STK32B: variants seen among roughly 807,000 people sequenced by gnomAD.
STK32B encodes the protein serine/threonine-protein kinase 32B.
Under a neutral mutation model 52.6 loss-of-function variants are expected in STK32B, and 43 were observed. The observed-to-expected ratio is 0.82, with a 90% CI of 0.64 to 1.05. The LOEUF (loss-of-function observed/expected upper bound fraction) is 1.05. Among genes scored for constraint, STK32B ranks in the 50% least tolerant of loss-of-function variants. The pLI, the probability that STK32B is intolerant of heterozygous loss-of-function variation, is 0.00. For synonymous variants in STK32B, 238 were observed against 204.3 expected (o/e 1.17, Z -1.41); for missense variants, 621 against 534.6 (o/e 1.16, Z -1.59).
In STK32B at chr4:5,453,186, C is replaced by T. The variant is rs926205960; in HGVS notation, c.667-3621C>T. Among the ~76,000 whole-genome samples the T allele has an allele frequency of 7.3e-5, 11 of 151,190 alleles. No individual in the cohort carries two copies. Among genetic ancestry groups the T allele is most frequent in the East Asian group, 1.9e-4 (1 of 5,144 alleles). ...ATCATCATTGTTTTTGTAATTGGTC[C>T]GGTTGCCTCCAGAAGGAGAGAGAAT... is the stretch of plus-strand genomic sequence containing the variant. On this transcript the variant is annotated intron_variant, in intron 7 of 11. Coordinates refer to ENST00000282908, the MANE Select transcript of STK32B (RefSeq NM_018401.3). This position sits in a 1 kb window ranked among gnomAD's most constrained non-coding sequence, Gnocchi z 4.0.
At position 5,186,186 on chromosome 4, in the gene STK32B, T is replaced by A. The variant is rs114873233; in HGVS notation, c.260+17736T>A. On this transcript the variant is annotated intron_variant, in intron 3 of 11. Coordinates refer to ENST00000282908, the MANE Select transcript of STK32B (RefSeq NM_018401.3). ...TGGAGTTCATAGTCCAGGCCTCACC[T>A]CCTCCATCAGCCCTCCTCGGGACAC... is the stretch of plus-strand genomic sequence containing the variant. Among the ~76,000 whole-genome samples, 788 of 152,204 alleles carry A rather than the reference T, an allele frequency of 5.2e-3. 8 individuals are homozygous for A. Among genetic ancestry groups the A allele is most frequent in the Non-Finnish European group, 5.8e-3 (397 of 68,016 alleles).
chr4:5,072,320 C>A (rs958115379), intron 1 of STK32B, among the ~76,000 whole-genome samples: 1 of 152,132 alleles, frequency 6.6e-6, no homozygotes, highest in Admixed American at 6.6e-5. Flanking sequence ...CCTCCAATTG[C>A]ACTCCTGCTT....
At position 5,109,980 on chromosome 4, in the gene STK32B, A is replaced by C. The variant is rs533661054; in HGVS notation, c.53-29925A>C. Among the ~76,000 whole-genome samples the C allele has an allele frequency of 1.1e-4, 16 of 151,700 alleles. No homozygotes were observed. The South Asian group carries it at 3.2e-3, about 30-fold the overall frequency. On this transcript the variant is annotated intron_variant, in intron 1 of 11. Coordinates refer to ENST00000282908, the MANE Select transcript of STK32B (RefSeq NM_018401.3). ...CCATTTCTGTATATCAATAACATTC[A>C]TACCGAGAACCAATCCCGTTTACAA...
At chr4:5,314,691 T>C (rs1361147626) in intron 3 of STK32B, among the ~76,000 whole-genome samples, 1 of 152,002 alleles carries the variant, frequency 6.6e-6, no homozygotes, top group Non-Finnish European at 1.5e-5. Flanking sequence ...TCAAAATGGA[T>C]CATGGATTGG....
rs1204184197 is a variant in STK32B at position 5,470,358 on chromosome 4, C to T, written c.1106+2288C>T. On this transcript the variant is annotated intron_variant, in intron 11 of 11. Coordinates refer to ENST00000282908, the MANE Select transcript of STK32B (RefSeq NM_018401.3). This position sits in a 1 kb window ranked among gnomAD's most constrained non-coding sequence, Gnocchi z 4.6. Reference sequence around the variant, plus strand: ...TGGAAGTGAGGCTGGCATAGTTTACCGGAGTCAGCAAAATAAAGAAAGAGG... The same window carrying T: ...TGGAAGTGAGGCTGGCATAGTTTACTGGAGTCAGCAAAATAAAGAAAGAGG... 1.3e-5 allele frequency among the ~76,000 whole-genome samples: 2 copies of T among 152,132 alleles called. No homozygotes were observed. The highest frequency in any genetic ancestry group is 2.1e-4 in the South Asian group (1 of 4,828).
Position 5,136,611 on chromosome 4 carries a change from G to A in STK32B, c.53-3294G>A, listed in dbSNP as rs115395054. Among the ~76,000 whole-genome samples, 449 of 152,170 alleles carry A rather than the reference G, an allele frequency of 3.0e-3. 3 individuals are homozygous for A. Among genetic ancestry groups the A allele is most frequent in the Non-Finnish European group, 4.5e-3 (303 of 68,002 alleles). ...ATTCCAAGGAAACCAGGACAAGATG[G>A]TCACCCAAAGAAACCACTCTTCAAC... On this transcript the variant is annotated intron_variant, in intron 1 of 11. Transcript: ENST00000282908.
At chr4:5,316,786 CATATATATT>C (rs1730867143) in intron 3 of STK32B, among the ~76,000 whole-genome samples, 1 of 132 alleles carries the variant, frequency 7.6e-3, no homozygotes, top group Non-Finnish European at 9.3e-3. Flanking sequence ...ATATATTATA[CATATATATT>C]ATATATTATA....
chr4:5,217,276 A>C (rs6446339), intron 3 of STK32B, among the ~76,000 whole-genome samples: 36,671 of 152,160 alleles, frequency 0.24, 4,766 homozygotes, highest in East Asian at 0.38. Context: ...TTTAAAGTCC[A>C]TAAAAATACC....
intron 3 of STK32B, among the ~76,000 whole-genome samples, chr4:5,245,656 TC>T (rs1725391146): frequency 6.6e-6 from 1 of 152,212 alleles, no homozygotes; most frequent in African/African-American, 2.4e-5. Context: ...TGATGCAGTT[TC>T]TTCCTAGCCT....
intron 4 of STK32B, among the ~76,000 whole-genome samples, chr4:5,340,699 A>G (rs557570988): frequency 1.3e-5 from 2 of 152,372 alleles, no homozygotes; most frequent in African/African-American, 4.8e-5. Flanking sequence ...AATCAAGTTT[A>G]TTAAACAATG....
At chr4:5,309,400 T>C (rs924497505) in intron 3 of STK32B, among the ~76,000 whole-genome samples, 1 of 152,030 alleles carries the variant, frequency 6.6e-6, no homozygotes, top group Non-Finnish European at 1.5e-5. Context: ...GAAATTTTTA[T>C]GAAATTACAA....
At chr4:5,036,574 C>T in the STK32B span, among the ~76,000 whole-genome samples, 1 of 151,502 alleles carries the variant, frequency 6.6e-6, no homozygotes, top group East Asian at 1.9e-4. Context: ...AAGCTTGTGT[C>T]ACTGGTATAT....
chr4:5,462,756 C>T (rs1029362547), intron 9 of STK32B, among the ~76,000 whole-genome samples: 5 of 152,126 alleles, frequency 3.3e-5, no homozygotes, highest in Admixed American at 2.0e-4. Flanking sequence ...AGCAGCACCC[C>T]GGGACTGTAC....
intron 4 of STK32B, among the ~76,000 whole-genome samples, chr4:5,342,604 A>G (rs889210341): frequency 6.6e-6 from 1 of 152,040 alleles, no homozygotes; most frequent in Non-Finnish European, 1.5e-5. Context: ...TTCATGAGAA[A>G]TCTCTCCCCA....
intron 11 of STK32B, among the ~76,000 whole-genome samples, chr4:5,478,150 C>T (rs981389498): frequency 2.6e-5 from 4 of 152,130 alleles, no homozygotes; most frequent in Non-Finnish European, 4.4e-5. Flanking sequence ...TCCATTCTCA[C>T]CCTAAAAATG....
chr4:5,217,537 C>A (rs1294778927), intron 3 of STK32B, among the ~76,000 whole-genome samples: 1 of 152,188 alleles, frequency 6.6e-6, no homozygotes, highest in African/African-American at 2.4e-5. Context: ...ATGTTTAGGG[C>A]ATTGGTTAAC....
chr4:5,441,405 A>G (rs1714737322), intron 6 of STK32B, among the ~76,000 whole-genome samples: 1 of 150,246 alleles, frequency 6.7e-6, no homozygotes, highest in South Asian at 2.2e-4. Context: ...AGGTGTTTGT[A>G]GTATTCTCTG....
intron 5 of STK32B, among the ~76,000 whole-genome samples, chr4:5,411,422 C>T (rs10000376): frequency 0.026 from 3,957 of 152,168 alleles, 145 homozygotes; most frequent in African/African-American, 0.09. Context: ...AAAATGATTT[C>T]GTAGCAGACA....
At position 5,331,403 on chromosome 4, in the gene STK32B, C is replaced by A. The variant is rs1295101027; in HGVS notation, c.434+10C>A. The A allele has an allele frequency of 6.2e-7, 1 of 1,602,040 alleles. No individual in the cohort carries two copies. The highest frequency in any genetic ancestry group is 1.1e-5 in the South Asian group (1 of 89,228). Reference sequence around the variant, plus strand: ...ACCACATCATCCACAGGTAACTGGGCTGCTGGCGGGATGCCTGGGACAGAG... The same window carrying A: ...ACCACATCATCCACAGGTAACTGGGATGCTGGCGGGATGCCTGGGACAGAG... On this transcript the variant is annotated intron_variant, in intron 4 of 11. Coordinates refer to ENST00000282908, the MANE Select transcript of STK32B (RefSeq NM_018401.3).
Sources: gnomAD v4.1 joint callset for allele counts (sites outside exome capture counted in the v4.1 genomes callset) on GRCh38, gnomAD v4.1.1 for gene constraint, Gnocchi (gnomAD v3.1) non-coding constraint, MANE v1.5 for transcripts, NCBI Gene and HGNC (gene_info 2026-07-23, HGNC 2026-07-21) for gene names.